The following TMEM120A variants were observed in gnomAD, a reference collection of about 807,000 sequenced individuals.
TMEM120A encodes transmembrane protein 120A.
Under a neutral mutation model 54.3 loss-of-function variants are expected in TMEM120A, and 45 were observed. The ratio of observed to expected loss-of-function variants is 0.83; its 90% confidence interval spans 0.65 to 1.06. The LOEUF is 1.06. Among genes scored for constraint, TMEM120A ranks in the 50% least tolerant of loss-of-function variants. The probability of loss-of-function intolerance (pLI) is 0.00; values close to 1 mark genes in which losing one functional copy is unlikely to be tolerated. For missense variants in TMEM120A, 424 were observed against 441.7 expected, an observed-to-expected ratio of 0.96 and a Z score of 0.36; for synonymous variants, 204 against 178.5, an observed-to-expected ratio of 1.14 and a Z score of -1.14.
intron 5 of TMEM120A, 34 bp from the exon 6 acceptor site, chr7:75,988,375 A>T (rs1293041607): frequency 2.0e-6 from 3 of 1,528,654 alleles, no homozygotes; most frequent in Non-Finnish European, 2.7e-6. Flanking sequence ...TTGGTACTGC[A>T]GCGACTGGGG....
At chr7:75,988,364 G>T (rs1334937514) in intron 5 of TMEM120A, 23 bp from the exon 6 acceptor site, 3 of 1,511,884 alleles carry the variant, frequency 2.0e-6, no homozygotes, top group Non-Finnish European at 2.7e-6. Context: ...GGGACCGAGG[G>T]TTGGTACTGC....
rs183434735 is a variant in TMEM120A at position 75,994,386 on chromosome 7, C to T, written c.81+104G>A. ...GGCAGTGACGCCAGGGCCCCGACCC[C>T]TGACCCTTAGCTCCCCACTGCCTGA... is the stretch of plus-strand genomic sequence containing the variant. On this transcript the variant is annotated intron_variant, in intron 1 of 11. Coordinates refer to ENST00000493111, the MANE Select transcript of TMEM120A (RefSeq NM_031925.3). 825 of 1,084,036 alleles carry T rather than the reference C, an allele frequency of 7.6e-4. 8 individuals carry two copies. In the African/African-American group the frequency reaches 0.011, roughly 15 times the overall value. The allele number at this position is 1,084,036 out of a possible 1,614,324, so 67.2% of individuals were successfully genotyped here.
intron 3 of TMEM120A, among the ~76,000 whole-genome samples, chr7:75,990,919 A>AAAC (rs1229301163): frequency 2.7e-5 from 4 of 149,992 alleles, no homozygotes; most frequent in African/African-American, 7.4e-5. Context: ...AAAAAAAAAA[A>AAAC]AGTCTCCTAG....
chr7:75,990,704 T>C (rs1233462717), intron 3 of TMEM120A, among the ~76,000 whole-genome samples: 1 of 151,656 alleles, frequency 6.6e-6, no homozygotes, highest in African/African-American at 2.4e-5. Flanking sequence ...ACCAACATGG[T>C]GAAACCCCAT....
In TMEM120A at chr7:75,988,296, G is replaced by A; in HGVS notation, c.519C>T (p.Cys173=). ...GGATGCTCTCCCGGATGGTCAGGGT[G>A]CAGTAGTACCAGACCAGCAGGAAGT... The part of the protein sequence containing the change: ...AFNFLLVWYY[C]TLTIRESILI... Residue 173 remains cysteine, a synonymous_variant, in exon 6 of 12, where the codon TGC becomes TGT. Coordinates refer to ENST00000493111, the MANE Select transcript of TMEM120A (RefSeq NM_031925.3). 2 of 1,612,254 alleles carry A rather than the reference G, an allele frequency of 1.2e-6. No individual in the cohort carries two copies. The highest frequency in any genetic ancestry group is 1.6e-4 in the Middle Eastern group (1 of 6,062).
In TMEM120A at chr7:75,992,433, C is replaced by T. The variant is rs782312052; in HGVS notation, c.200+6G>A. On this transcript the variant is annotated splice_donor_region_variant and intron_variant, in intron 2 of 11. Coordinates refer to ENST00000493111, the MANE Select transcript of TMEM120A (RefSeq NM_031925.3). Reference sequence around the variant, plus strand: ...GCCCATGGCGGGTGGGGTAGGGGATCCTAACTTCTTCAGGGCGAGGGCCAG... The same window carrying T: ...GCCCATGGCGGGTGGGGTAGGGGATTCTAACTTCTTCAGGGCGAGGGCCAG... 39 of 1,588,736 alleles carry T rather than the reference C, an allele frequency of 2.5e-5. No individual in the cohort carries two copies. In the Admixed American group the frequency reaches 4.7e-4, roughly 19 times the overall value.
intron 3 of TMEM120A, 62 bp downstream of exon 3, chr7:75,992,081 AG>A: frequency 8.4e-7 from 1 of 1,188,564 alleles, no homozygotes; most frequent in Admixed American, 2.1e-5. Context: ...GACCAAGAGG[AG>A]GCAGCACCCG....
chr7:75,991,621 T>C (rs1385057405), intron 3 of TMEM120A, among the ~76,000 whole-genome samples: 1 of 151,996 alleles, frequency 6.6e-6, no homozygotes, highest in African/African-American at 2.4e-5. Context: ...CCCAGGCGGG[T>C]CTTGAACTCC....
At position 75,994,564 on chromosome 7, in the gene TMEM120A, G is replaced by A. The variant is rs782006094; in HGVS notation, c.7C>T (p.Pro3Ser). ...TCGCCCAGCGGGCCCGGGGGCGGGGGCTGCATGGCTGCAGCGCCAGTAGCC... is the reference window on the plus strand; with the variant it reads ...TCGCCCAGCGGGCCCGGGGGCGGGGACTGCATGGCTGCAGCGCCAGTAGCC... MQ[P>S]PPPGPLGDCL... Residue 3 changes from proline to serine, a missense_variant, in exon 1 of 12, where the codon CCC becomes TCC. Pro to Ser is a moderately conservative substitution (Grantham distance 74). Transcript: ENST00000493111. The A allele has an allele frequency of 2.6e-6, 4 of 1,542,862 alleles. No homozygotes were observed. In the South Asian group the frequency reaches 3.6e-5, roughly 14 times the overall value.
Position 75,987,031 on chromosome 7 carries a change from T to C in TMEM120A, c.*141A>G, listed in dbSNP as rs1483621569. 1.1e-5 allele frequency: 8 copies of C among 721,188 alleles called. No homozygotes were observed. In the East Asian group the frequency reaches 1.9e-4, roughly 17 times the overall value. 44.7% of individuals were successfully genotyped at this position (721,188 alleles called of 1,614,324 possible). A position where few individuals can be genotyped will look rare whatever the true frequency, so the allele number is the denominator to read the frequency against. On this transcript the variant is annotated 3_prime_UTR_variant, in exon 12 of 12. Coordinates refer to ENST00000493111, the MANE Select transcript of TMEM120A (RefSeq NM_031925.3). ...TGAGGGCACTGGGCCCAGGTCTTCCTTCAGGGCCCACAGCGCCCATAAAAC... is the reference window on the plus strand; with the variant it reads ...TGAGGGCACTGGGCCCAGGTCTTCCCTCAGGGCCCACAGCGCCCATAAAAC...
At position 75,988,508 on chromosome 7, in the gene TMEM120A, T is replaced by C. The variant is rs1554560801; in HGVS notation, c.386A>G (p.Tyr129Cys). The C allele has an allele frequency of 3.1e-6, 5 of 1,605,078 alleles. No homozygotes were observed. Among genetic ancestry groups the C allele is most frequent in the Non-Finnish European group, 2.5e-6 (3 of 1,178,000 alleles). The change falls in exon 5 of 12, where the codon TAC (tyrosine) becomes TGC (cysteine). Residue 129 changes from tyrosine (Y) to cysteine (C), a missense_variant. By Grantham distance (194) the Tyr-to-Cys change is radical. Coordinates refer to ENST00000493111, the MANE Select transcript of TMEM120A (RefSeq NM_031925.3). ...TLLSKQAKFA[Y>C]KDEYEKFKLY... ...CTTGAACTTCTCATACTCGTCCTTG[T>C]AGGCAAACCTGGGGGGCGCAGGCCG...
chr7:75,987,694 A>G (rs1789585989), intron 9 of TMEM120A, 24 bp downstream of exon 9: 1 of 1,610,778 alleles, frequency 6.2e-7, no homozygotes, highest in African/African-American at 1.3e-5. Context: ...GAATGTCCAG[A>G]TGCCAGGGCC....
Position 75,987,218 on chromosome 7 carries a change from A to T in TMEM120A, c.986T>A (p.Val329Glu). The T allele has an allele frequency of 1.2e-6, 2 of 1,609,110 alleles. No individual in the cohort carries two copies. Among genetic ancestry groups the T allele is most frequent in the Middle Eastern group, 3.3e-4 (2 of 6,060 alleles). Residue 329 changes from valine to glutamate, a missense_variant, in exon 12 of 12, where the codon GTG (valine) becomes GAG (glutamate). Physicochemically the swap from Val to Glu is moderately radical, Grantham distance 121. Transcript: ENST00000493111. ...LGNFFTTLRV[V>E]HHKFHSQRHG... ...CCGCTGACTGTGAAACTTGTGGTGC[A>T]CAACCCTCAGGGTGGTGAAGAAATT...
At chr7:75,991,793 C>A (rs1358237043) in intron 3 of TMEM120A, among the ~76,000 whole-genome samples, 2 of 152,122 alleles carry the variant, frequency 1.3e-5, no homozygotes, top group African/African-American at 4.8e-5. Context: ...GATCCTCCCA[C>A]CTCCATCTCC....
chr7:75,992,492 G>T lies in TMEM120A; in HGVS notation c.147C>A (p.Ser49Arg), dbSNP rs376971210. The T allele has an allele frequency of 9.4e-5, 151 of 1,597,950 alleles. No homozygotes were observed. Among genetic ancestry groups the T allele is most frequent in the Admixed American group, 2.1e-4 (12 of 57,468 alleles). Reference protein sequence around the residue: ...ELTKLQNNCTSSITRQKKRLQ... With the variant: ...ELTKLQNNCTRSITRQKKRLQ... ...GCCGCTTCTTCTGCCGCGTGATGGA[G>T]CTGGTGCAATTGTTCTGAAGTTTGG... is the stretch of plus-strand genomic sequence containing the variant. The change falls in exon 2 of 12, where the codon AGC (serine) becomes AGA (arginine). Residue 49 changes from serine (S) to arginine (R), a missense_variant. Ser to Arg is a moderately radical substitution (Grantham distance 110, BLOSUM62 -1). Coordinates refer to ENST00000493111, the MANE Select transcript of TMEM120A (RefSeq NM_031925.3).
chr7:75,989,890 CA>C (rs1554561498), intron 3 of TMEM120A, among the ~76,000 whole-genome samples: 3 of 152,092 alleles, frequency 2.0e-5, no homozygotes, highest in African/African-American at 7.2e-5. Context: ...CCTCCACACC[CA>C]CCAACTGAGA....
intron 7 of TMEM120A, 49 bp downstream of exon 7, chr7:75,988,034 A>G: frequency 3.1e-6 from 5 of 1,595,616 alleles, no homozygotes; most frequent in Non-Finnish European, 4.3e-6. Context: ...GATGCCGTGT[A>G]TCCCCTCCTT....
rs1789738953 is a variant in TMEM120A at position 75,989,231 on chromosome 7, A to T, written c.318-7T>A. 6.4e-7 allele frequency: 1 copy of T among 1,551,456 alleles called. No individual in the cohort carries two copies. The highest frequency in any genetic ancestry group is 8.7e-7 in the Non-Finnish European group (1 of 1,146,206). ...AACCAGGCTCAGGTACAATCTAGGG[A>T]AGGGGGTGGCGGGGTGAGGAGAAGC... On this transcript the variant is annotated splice_region_variant and splice_polypyrimidine_tract_variant and intron_variant, in intron 3 of 11. Transcript: ENST00000493111.
chr7:75,992,812 G>T (rs534163508), intron 1 of TMEM120A, among the ~76,000 whole-genome samples: 4 of 152,208 alleles, frequency 2.6e-5, no homozygotes, highest in African/African-American at 9.6e-5. Context: ...TTTTGTTTTT[G>T]TTTTTGTTTT....
Sources: gnomAD v4.1 joint callset for allele counts (sites outside exome capture counted in the v4.1 genomes callset) on GRCh38, gnomAD v4.1.1 for gene constraint, MANE v1.5 for transcripts, NCBI Gene and HGNC (gene_info 2026-07-23, HGNC 2026-07-21) for gene names.